The following MAGED1 variants were observed in gnomAD, a reference collection of about 807,000 sequenced individuals.
MAGED1 encodes the protein MAGE family member D1, also known as melanoma-associated antigen D1.
In MAGED1, 3 loss-of-function variants were observed where a neutral mutation model predicts 54.1. The ratio of observed to expected loss-of-function variants is 0.06; its 90% confidence interval spans 0.03 to 0.14. The LOEUF is 0.14. MAGED1 is among the 10% of genes least tolerant of loss of function. The probability of loss-of-function intolerance (pLI) is 1.00; values close to 1 mark genes in which losing one functional copy is unlikely to be tolerated. For missense variants in MAGED1, 485 were observed against 623.4 expected (o/e 0.78, Z 2.36); for synonymous variants, 217 against 227.3 (o/e 0.95, Z 0.41).
intron 1 of MAGED1, among the ~76,000 whole-genome samples, chrX:51,828,992 C>T (rs1279669195): frequency 1.8e-5 from 2 of 110,506 alleles, no homozygotes; most frequent in Admixed American, 9.7e-5. Flanking sequence ...TAACCCAATG[C>T]GGTTTGTGGC....
intron 2 of MAGED1, chrX:51,894,581 C>A: frequency 8.9e-7 from 1 of 1,127,299 alleles, no homozygotes; most frequent in Non-Finnish European, 1.2e-6. Context: ...GGCAATCTGC[C>A]CAGAGAATGC....
chrX:51,861,512 T>G (rs1640413192), intron 1 of MAGED1, among the ~76,000 whole-genome samples: 2 of 111,963 alleles, frequency 1.8e-5, no homozygotes. Context: ...CTCAATTACC[T>G]TCTCTATTCT....
chrX:51,876,935 A>G (rs183709232), intron 1 of MAGED1, among the ~76,000 whole-genome samples: 22 of 111,763 alleles, frequency 2.0e-4, no homozygotes, highest in East Asian at 2.0e-3. Flanking sequence ...CGGATTTTTT[A>G]TCACTTTCAA....
At chrX:51,850,047 C>T (rs1719676948) in intron 1 of MAGED1, among the ~76,000 whole-genome samples, 1 of 110,525 alleles carries the variant, frequency 9.0e-6, no homozygotes, top group African/African-American at 3.3e-5. Context: ...ATTCCCCTGC[C>T]TAGCTGGGAC....
chrX:51,870,024 C>T (rs1181025323), intron 1 of MAGED1, among the ~76,000 whole-genome samples: 4 of 111,092 alleles, frequency 3.6e-5, no homozygotes, highest in Middle Eastern at 4.7e-3. Context: ...GGGTGAGCCA[C>T]CGTGCTGGGC....
chrX:51,815,593 G>T (rs889284189), intron 1 of MAGED1, among the ~76,000 whole-genome samples: 17 of 108,926 alleles, frequency 1.6e-4, no homozygotes, highest in Admixed American at 7.9e-4. Flanking sequence ...TGCAATCTCG[G>T]CTCACTGTAA....
chrX:51,855,443 GA>G (rs1927049912), intron 1 of MAGED1, among the ~76,000 whole-genome samples: 3 of 110,982 alleles, frequency 2.7e-5, no homozygotes, highest in Non-Finnish European at 5.7e-5. Flanking sequence ...TTAAACAATA[GA>G]AATTTATTTT....
chrX:51,811,706 A>G (rs192086540), intron 1 of MAGED1, among the ~76,000 whole-genome samples: 3 of 111,526 alleles, frequency 2.7e-5, no homozygotes, highest in African/African-American at 6.5e-5. Flanking sequence ...CATTCTCTCT[A>G]TTTGTCTTCT....
chrX:51,879,758 A>G (rs1557362333), intron 1 of MAGED1, among the ~76,000 whole-genome samples: 1 of 111,714 alleles, frequency 9.0e-6, no homozygotes. Flanking sequence ...TTTGCCCTGA[A>G]ATTTCATTTC....
At chrX:51,805,965 CTTTTTTTTTTTTT>C (rs57427122) in intron 1 of MAGED1, among the ~76,000 whole-genome samples, 3 of 36,948 alleles carry the variant, frequency 8.1e-5, no homozygotes, top group African/African-American at 1.1e-4. Flanking sequence ...CTTTTCTTTT[CTTTTTTTTTTTTT>C]TTTTTTTTTT....
At chrX:51,868,245 T>G (rs1557361236) in intron 1 of MAGED1, among the ~76,000 whole-genome samples, 1 of 111,491 alleles carries the variant, frequency 9.0e-6, no homozygotes, top group African/African-American at 3.3e-5. Context: ...TGATGTAAGA[T>G]CCACATATCA....
chrX:51,894,861 A>G, intron 2 of MAGED1, 192 bp from the exon 3 acceptor site: 1 of 1,048,634 alleles, frequency 9.5e-7, no homozygotes, highest in South Asian at 2.4e-5. Context: ...CACCCCTGCC[A>G]CATGTTTAGT....
rs1928870787 is a variant in MAGED1, at chrX:51,898,617, T to G, written c.1818T>G (p.Leu606=). ...CCCTCCTTGGAGATCTAAGGAAACT[T>G]CTCACCTATGAGTTTGTAAAGCAGA... ...RHPLLGDLRK[L]LTYEFVKQKY... The change falls in exon 10 of 13, where the codon CTT becomes CTG. Residue 606 remains leucine (L), a synonymous_variant. Coordinates refer to ENST00000326587, the MANE Select transcript of MAGED1 (RefSeq NM_006986.4). 8.3e-7 allele frequency: 1 copy of G among 1,206,998 alleles called. No individual in the cohort carries two copies. Among genetic ancestry groups the G allele is most frequent in the Non-Finnish European group, 1.1e-6 (1 of 894,198 alleles).
chrX:51,813,012 C>T (rs1241000342), intron 1 of MAGED1, among the ~76,000 whole-genome samples: 2 of 101,195 alleles, frequency 2.0e-5, no homozygotes, highest in African/African-American at 3.6e-5. Context: ...AATATTTAAC[C>T]GCTGACATCT....
chrX:51,897,583 T>C lies in MAGED1; in HGVS notation c.1523T>C (p.Val508Ala). The C allele has an allele frequency of 1.7e-6, 2 of 1,208,619 alleles. No homozygotes were observed. The highest frequency in any genetic ancestry group is 1.1e-6 in the Non-Finnish European group (1 of 893,889). Residue 508 changes from valine (V) to alanine (A), a missense_variant, in exon 6 of 13, where the codon GTT (valine) becomes GCT (alanine). Transcript: ENST00000326587. Reference protein sequence around the residue: ...LRDIIREYTDVYPEIIERACF... With the variant: ...LRDIIREYTDAYPEIIERACF... ...GATATCATCCGTGAATACACTGATG[T>C]TTATCCAGAAATCATTGAACGTGCA...
chrX:51,898,057 G>T (rs781803903), intron 7 of MAGED1, 57 bp from the exon 8 acceptor site: 18 of 1,084,514 alleles, frequency 1.7e-5, no homozygotes, highest in Middle Eastern at 2.5e-4. Context: ...GGGCAAGCTG[G>T]TTGGGGTCTC....
At position 51,841,318 on chromosome X, in the gene MAGED1, G is replaced by A. The variant is rs1378829000; in HGVS notation, c.-37+38201G>A. Among the ~76,000 whole-genome samples the A allele has an allele frequency of 9.1e-5, 10 of 110,472 alleles. No individual in the cohort carries two copies. In the East Asian group the frequency reaches 2.3e-3, roughly 25 times the overall value. On this transcript the variant is annotated intron_variant, in intron 1 of 12. Transcript: ENST00000375772. ...TCTTGTAAATTTGTTTGAGTTCATT[G>A]TAGATTCTGGATATTAGCCCTTTGT...
intron 1 of MAGED1, among the ~76,000 whole-genome samples, chrX:51,888,358 C>T (rs1928314299): frequency 9.0e-6 from 1 of 111,446 alleles, no homozygotes; most frequent in Admixed American, 9.5e-5. Context: ...ATATGGATGG[C>T]AGAAAAGCAC....
At chrX:51,886,931 C>T (rs183761073) in intron 1 of MAGED1, among the ~76,000 whole-genome samples, 2 of 109,972 alleles carry the variant, frequency 1.8e-5, no homozygotes, top group East Asian at 5.7e-4. Context: ...TGTCACGCAC[C>T]TGTGGTCCCA....
Sources: allele counts gnomAD v4.1 joint callset (sites outside exome capture counted in the v4.1 genomes callset), GRCh38; gene constraint gnomAD v4.1.1; transcripts MANE v1.5; gene names NCBI Gene and HGNC (gene_info 2026-07-23, HGNC 2026-07-21).